The following IDO1 variants were observed in gnomAD, a reference collection of about 807,000 sequenced individuals.
The protein encoded by IDO1 is indolamine 2,3 dioxygenase.
IDO1 carries 35 observed loss-of-function variants against 38.8 expected under a neutral mutation model. The observed-to-expected ratio is 0.90, with a 90% CI of 0.69 to 1.20. IDO1 has a LOEUF of 1.20. Ranked by LOEUF, IDO1 falls within the 50% of genes most tolerant of loss-of-function variation. The pLI is 0.00. For missense variants in IDO1, 509 were observed against 485.1 expected, an observed-to-expected ratio of 1.05 and a Z score of -0.46; for synonymous variants, 171 against 170.0, an observed-to-expected ratio of 1.01 and a Z score of -0.05.
chr8:39,919,805 A>C (rs1371490093), intron 4 of IDO1, among the ~76,000 whole-genome samples: 1 of 152,160 alleles, frequency 6.6e-6, no homozygotes, highest in Non-Finnish European at 1.5e-5. Flanking sequence ...GTGCCACTGC[A>C]CACCAGCCTG....
Position 39,928,057 on chromosome 8 carries a change from C to T in IDO1, c.1084C>T (p.Pro362Ser), listed in dbSNP as rs1408303732. Residue 362 changes from proline (P) to serine (S), a missense_variant, in exon 10 of 10, where the codon CCA (proline) becomes TCA (serine). By Grantham distance (74) the Pro-to-Ser change is moderately conservative. Transcript: ENST00000518237. ...CATCCTGATTCCTGCAAGCCAGCAG[C>T]CAAAGGAGAATAAGACCTCTGAAGA... ...KYILIPASQQ[P>S]KENKTSEDPS... 10 of 1,611,244 alleles carry T rather than the reference C, an allele frequency of 6.2e-6. No individual in the cohort carries two copies. Among genetic ancestry groups the T allele is most frequent in the Non-Finnish European group, 8.5e-6 (10 of 1,178,754 alleles).
chr8:39,926,403 A>G (rs1213168041), intron 9 of IDO1, among the ~76,000 whole-genome samples: 1 of 151,934 alleles, frequency 6.6e-6, no homozygotes, highest in Admixed American at 6.6e-5. Context: ...GGAGATAAAG[A>G]CCTCAGTGAC....
chr8:39,915,557 A>G (rs1807162480), intron 1 of IDO1: 1 of 152,204 alleles, frequency 6.6e-6, no homozygotes, highest in Non-Finnish European at 1.5e-5. Context: ...TGAAAAGTAT[A>G]CTTTAATTTT....
At chr8:39,925,415 C>A in intron 9 of IDO1, 44 bp downstream of exon 9, 1 of 1,552,808 alleles carries the variant, frequency 6.4e-7, no homozygotes, top group Non-Finnish European at 8.7e-7. Flanking sequence ...TATGTGAATA[C>A]AATAGTATTT....
chr8:39,920,030 T>C (rs574444555), intron 4 of IDO1, 70 bp from the exon 5 acceptor site: 1 of 1,298,686 alleles, frequency 7.7e-7, no homozygotes, highest in Non-Finnish European at 1.1e-6. Flanking sequence ...CAACTCATCA[T>C]TATTTGATGT....
At chr8:39,924,229 G>A (rs781167649) in intron 7 of IDO1, among the ~76,000 whole-genome samples, 3 of 152,004 alleles carry the variant, frequency 2.0e-5, no homozygotes, top group East Asian at 1.9e-4. Context: ...GACTGAGTGC[G>A]GTGGCTCATA....
At chr8:39,918,389 T>A in intron 3 of IDO1, 182 bp downstream of exon 3, 1 of 593,058 alleles carries the variant, frequency 1.7e-6, no homozygotes, top group Non-Finnish European at 2.9e-6. Context: ...TATTATATTT[T>A]TAGTCTTTTA....
intron 1 of IDO1, among the ~76,000 whole-genome samples, chr8:39,917,016 G>A (rs1361783251): frequency 3.9e-5 from 6 of 152,112 alleles, no homozygotes; most frequent in East Asian, 1.9e-4. Flanking sequence ...TACAAAAATC[G>A]TTATGTAAAC....
intron 1 of IDO1, 123 bp downstream of exon 1, chr8:39,914,132 G>C: frequency 1.5e-6 from 1 of 651,910 alleles, no homozygotes; most frequent in Non-Finnish European, 2.7e-6. Context: ...ATAAAGCTGT[G>C]TAAAAATTAG....
intron 1 of IDO1, among the ~76,000 whole-genome samples, chr8:39,916,814 T>C (rs998960332): frequency 5.3e-5 from 8 of 152,198 alleles, no homozygotes; most frequent in Non-Finnish European, 1.2e-4. Context: ...GATTAAATTT[T>C]ATACTTGTTG....
rs746831661 is a variant in IDO1 at position 39,918,842 on chromosome 8, T to G, written c.331T>G (p.Tyr111Asp). 40 of 1,612,240 alleles carry G rather than the reference T, an allele frequency of 2.5e-5. No individual in the cohort carries two copies. Among genetic ancestry groups the G allele is most frequent in the Non-Finnish European group, 3.1e-5 (37 of 1,178,594 alleles). Residue 111 changes from tyrosine (Y) to aspartate (D), a missense_variant, in exon 4 of 10, where the codon TAC becomes GAC. Transcript: ENST00000518237. ...KVLPRNIAVP[Y>D]CQLSKKLELP... is the part of the protein sequence containing the mutation. ...CTTGCCAAGAAATATTGCTGTTCCT[T>G]ACTGCCAACTCTCCAAGAAACTGGA... is the stretch of plus-strand genomic sequence containing the variant.
At position 39,918,084 on chromosome 8, in the gene IDO1, T is replaced by A. The variant is rs757835218; in HGVS notation, c.184-4T>A. On this transcript the variant is annotated splice_region_variant and splice_polypyrimidine_tract_variant and intron_variant, in intron 2 of 9. Coordinates refer to ENST00000518237, the MANE Select transcript of IDO1 (RefSeq NM_002164.6). ...TTTGAGTCAATTGCTCCATTTGTTT[T>A]CAGTTAAACATGCTCAGCATTGATC... The A allele has an allele frequency of 6.2e-7, 1 of 1,613,918 alleles. No homozygotes were observed. The highest frequency in any genetic ancestry group is 8.5e-7 in the Non-Finnish European group (1 of 1,179,824).
In IDO1 at chr8:39,917,945, G is replaced by A. The variant is rs867181228; in HGVS notation, c.158G>A (p.Gly53Asp). The change falls in exon 2 of 10, where the codon GGC (glycine) becomes GAC (aspartate). Residue 53 changes from glycine to aspartate, a missense_variant. Physicochemically the swap from Gly to Asp is moderately conservative, Grantham distance 94. Transcript: ENST00000518237. ...CATCTGCCTGATCTCATAGAGTCTG[G>A]CCAGCTTCGAGAAAGAGTTGAGAAG... ...AKHLPDLIES[G>D]QLRERVEKLN... 1 of 1,612,974 alleles carries A rather than the reference G, an allele frequency of 6.2e-7. No homozygotes were observed. The highest frequency in any genetic ancestry group is 1.3e-5 in the African/African-American group (1 of 74,806).
At chr8:39,923,608 A>G (rs770839977) in intron 7 of IDO1, 22 bp downstream of exon 7, 10 of 1,384,188 alleles carry the variant, frequency 7.2e-6, no homozygotes, top group Admixed American at 5.1e-5. Flanking sequence ...GTGCAGTGCA[A>G]TAGTCTAGGC....
rs763782527 is a variant in IDO1, at chr8:39,924,763, A to G, written c.698A>G (p.Tyr233Cys). 2 of 1,608,196 alleles carry G rather than the reference A, an allele frequency of 1.2e-6. No homozygotes were observed. The highest frequency in any genetic ancestry group is 1.7e-6 in the Non-Finnish European group (2 of 1,175,404). Residue 233 changes from tyrosine to cysteine, a missense_variant, in exon 8 of 10, where the codon TAT (tyrosine) becomes TGT (cysteine). Coordinates refer to ENST00000518237, the MANE Select transcript of IDO1 (RefSeq NM_002164.6). ...GCATTTTTCAGTGTTCTTCGCATATATTTGTCTGGGTATGTAGTCTTATGT... is the reference window on the plus strand; with the variant it reads ...GCATTTTTCAGTGTTCTTCGCATATGTTTGTCTGGGTATGTAGTCTTATGT... ...PKAFFSVLRI[Y>C]LSGWKGNPQL... is the part of the protein sequence containing the mutation.
At chr8:39,916,965 C>A (rs1807182605) in intron 1 of IDO1, among the ~76,000 whole-genome samples, 1 of 152,144 alleles carries the variant, frequency 6.6e-6, no homozygotes, top group South Asian at 2.1e-4. Context: ...ACATTTATTA[C>A]ATTTCTTTTG....
chr8:39,920,096 T>C lies in IDO1; in HGVS notation c.423-4T>C, dbSNP rs1278717926. The C allele has an allele frequency of 6.2e-7, 1 of 1,611,362 alleles. No individual in the cohort carries two copies. Among genetic ancestry groups the C allele is most frequent in the African/African-American group, 1.3e-5 (1 of 74,886 alleles). On this transcript the variant is annotated splice_region_variant and splice_polypyrimidine_tract_variant and intron_variant, in intron 4 of 9. Coordinates refer to ENST00000518237, the MANE Select transcript of IDO1 (RefSeq NM_002164.6). ...GTCCATTGCTTCATGGCTGCTTTCATAAGGCCCCTGACTTATGAGTAAGTA... is the reference window on the plus strand; with the variant it reads ...GTCCATTGCTTCATGGCTGCTTTCACAAGGCCCCTGACTTATGAGTAAGTA...
intron 7 of IDO1, 138 bp from the exon 8 acceptor site, chr8:39,924,583 G>A (rs1807329575): frequency 6.5e-6 from 4 of 613,372 alleles, no homozygotes; most frequent in Non-Finnish European, 1.2e-5. Flanking sequence ...TTATCTGCAG[G>A]GGCTTTGTTT....
rs1380570809 is a variant in IDO1 at position 39,928,306 on chromosome 8, A to G, written c.*121A>G. 14 of 656,540 alleles carry G rather than the reference A, an allele frequency of 2.1e-5. No homozygotes were observed. Among genetic ancestry groups the G allele is most frequent in the Non-Finnish European group, 2.5e-5 (10 of 394,892 alleles). 40.7% of individuals were successfully genotyped at this position (656,540 alleles called of 1,614,324 possible). ...AATGTTTTACCAATAATGCAATACAAAAGACCTCAAAATACCTGTGCATTT... is the reference window on the plus strand; with the variant it reads ...AATGTTTTACCAATAATGCAATACAGAAGACCTCAAAATACCTGTGCATTT... On this transcript the variant is annotated 3_prime_UTR_variant, in exon 10 of 10. Transcript: ENST00000518237.
Sources: allele counts gnomAD v4.1 joint callset (sites outside exome capture counted in the v4.1 genomes callset), GRCh38; gene constraint gnomAD v4.1.1; transcripts MANE v1.5; gene names NCBI Gene and HGNC (gene_info 2026-07-23, HGNC 2026-07-21).